FGF13: variants seen among roughly 807,000 people sequenced by gnomAD.
FGF13 encodes the protein fibroblast growth factor homologous factor 2.
Under a neutral mutation model 19.5 loss-of-function variants are expected in FGF13, and 2 were observed. The ratio of observed to expected loss-of-function variants is 0.10; its 90% CI spans 0.04 to 0.32. The LOEUF is 0.32. Among genes scored for constraint, FGF13 ranks in the 10% least tolerant of loss-of-function variants. FGF13 has a pLI of 1.00. For synonymous variants in FGF13, 72 were observed against 76.9 expected (o/e 0.94, Z 0.33); for missense variants, 113 against 192.7 (o/e 0.59, Z 2.45).
chrX:139,107,575 A>G (rs2083569220), intron 1 of FGF13, among the ~76,000 whole-genome samples: 1 of 111,163 alleles, frequency 9.0e-6, no homozygotes, highest in Non-Finnish European at 1.9e-5. Flanking sequence ...GTAACTGAAG[A>G]ATGAGAGAAA....
chrX:138,713,198 G>T (rs894790634), upstream of FGF13, among the ~76,000 whole-genome samples: 5 of 112,420 alleles, frequency 4.4e-5, no homozygotes. Flanking sequence ...CAAGGTAGAC[G>T]AGAGTTTTAA....
intron 2 of FGF13, among the ~76,000 whole-genome samples, chrX:138,863,253 T>C (rs1029995726): frequency 5.4e-5 from 6 of 111,679 alleles, no homozygotes; most frequent in African/African-American, 1.6e-4. Context: ...GGCAGAGACA[T>C]TATATGTCTC....
At position 138,623,387 on chromosome X, in the gene FGF13, T is replaced by C. The variant is rs1005947849; in HGVS notation, c.*9463A>G. On this transcript the variant is annotated 3_prime_UTR_variant, in exon 5 of 5. Transcript: ENST00000315930. ...TTTTGAGAAGGATTGGTATTAGTTTTTCCTCAAATGTTGGGTGGAATTCAC... is the reference window on the plus strand; with the variant it reads ...TTTTGAGAAGGATTGGTATTAGTTTCTCCTCAAATGTTGGGTGGAATTCAC... 1 of 111,523 alleles carries C rather than the reference T, an allele frequency of 9.0e-6. No homozygotes were observed. The highest frequency in any genetic ancestry group is 3.3e-5 in the African/African-American group (1 of 30,644). 9.2% of individuals were successfully genotyped at this position (111,523 alleles called of 1,213,427 possible).
intron 1 of FGF13, among the ~76,000 whole-genome samples, chrX:139,159,773 A>T (rs1211026201): frequency 9.0e-6 from 1 of 111,146 alleles, no homozygotes; most frequent in African/African-American, 3.3e-5. Flanking sequence ...AGGGATCAAC[A>T]CAACAAGAAG....
intron 1 of FGF13, among the ~76,000 whole-genome samples, chrX:139,017,764 G>A (rs1161683042): frequency 9.0e-6 from 1 of 111,316 alleles, no homozygotes; most frequent in Non-Finnish European, 1.9e-5. Context: ...ATAGAGATAA[G>A]TAGGAGCAAC....
chrX:138,679,243 AT>A (rs368872667), intron 3 of FGF13, among the ~76,000 whole-genome samples: 47 of 106,295 alleles, frequency 4.4e-4, no homozygotes, highest in East Asian at 2.1e-3. Context: ...CACCCCGCTA[AT>A]TTTTTTTTTC....
chrX:138,924,047 A>T (rs5976227), intron 1 of FGF13, among the ~76,000 whole-genome samples: 2,420 of 111,965 alleles, frequency 0.022, 64 homozygotes, highest in African/African-American at 0.073. Flanking sequence ...TTGCAAATGG[A>T]AAGTTCCTTT....
At chrX:138,820,388 GTCC>G (rs1169350249) in intron 3 of FGF13, among the ~76,000 whole-genome samples, 2 of 111,937 alleles carry the variant, frequency 1.8e-5, no homozygotes, top group African/African-American at 6.5e-5. Context: ...ATAAGACAGT[GTCC>G]TCATCCTCTA....
At chrX:138,704,403 T>G (rs1474031479) in intron 2 of FGF13, among the ~76,000 whole-genome samples, 1 of 112,476 alleles carries the variant, frequency 8.9e-6, no homozygotes, top group Non-Finnish European at 1.9e-5. Flanking sequence ...GAAAATAGCC[T>G]GTGCACCTTT....
intron 1 of FGF13, among the ~76,000 whole-genome samples, chrX:139,146,293 T>A (rs2083888697): frequency 9.0e-6 from 1 of 111,289 alleles, no homozygotes; most frequent in African/African-American, 3.3e-5. Context: ...AACAACCCCA[T>A]CAAAAAGTGG....
At chrX:138,860,062 T>C (rs774360761) in intron 2 of FGF13, among the ~76,000 whole-genome samples, 2 of 111,313 alleles carry the variant, frequency 1.8e-5, no homozygotes, top group Admixed American at 1.9e-4. Context: ...AAAAGAGTAG[T>C]CAACCAACAG....
chrX:138,670,306 C>T (rs950988490), intron 3 of FGF13, among the ~76,000 whole-genome samples: 2 of 111,411 alleles, frequency 1.8e-5, no homozygotes, highest in Non-Finnish European at 3.8e-5. Context: ...TCCCTTTATA[C>T]GTATAGAACA....
At chrX:138,737,189 C>A (rs1468655290) in intron 1 of FGF13, among the ~76,000 whole-genome samples, 1 of 111,263 alleles carries the variant, frequency 9.0e-6, no homozygotes, top group Non-Finnish European at 1.9e-5. Flanking sequence ...GCCTTGAGAG[C>A]TTTTGAAATG....
intron 1 of FGF13, among the ~76,000 whole-genome samples, chrX:138,965,993 C>A (rs145945651): frequency 0.045 from 5,075 of 112,174 alleles, 276 homozygotes; most frequent in African/African-American, 0.16. Flanking sequence ...CCCCTGTGAT[C>A]GTTAATACTG....
At chrX:139,046,450 G>A (rs748708539) in intron 1 of FGF13, among the ~76,000 whole-genome samples, 6 of 111,466 alleles carry the variant, frequency 5.4e-5, no homozygotes, top group Non-Finnish European at 9.4e-5. Context: ...AAGGCACTGA[G>A]GATTCACACT....
intron 3 of FGF13, among the ~76,000 whole-genome samples, chrX:138,788,523 A>T (rs1411857739): frequency 8.9e-6 from 1 of 112,223 alleles, no homozygotes; most frequent in Non-Finnish European, 1.9e-5. Context: ...AAACTCAGGC[A>T]GTGGCACTAA....
chrX:138,953,367 G>T (rs1048623652), intron 1 of FGF13, among the ~76,000 whole-genome samples: 2 of 109,995 alleles, frequency 1.8e-5, no homozygotes, highest in African/African-American at 6.6e-5. Context: ...CCATAGGTGG[G>T]AATTGAACAA....
At chrX:139,202,651 C>T (rs2084424413) in intron 1 of FGF13, among the ~76,000 whole-genome samples, 3 of 111,497 alleles carry the variant, frequency 2.7e-5, no homozygotes, top group Admixed American at 1.9e-4. Context: ...GAGCTGAAGA[C>T]TTTGACAACT....
At chrX:138,759,293 C>T (rs144151150) in intron 3 of FGF13, among the ~76,000 whole-genome samples, 1,683 of 112,155 alleles carry the variant, frequency 0.015, 19 homozygotes, top group African/African-American at 0.051. Flanking sequence ...AATATTGATG[C>T]CCCGACATCT....
Sources: gnomAD v4.1 joint callset for allele counts (sites outside exome capture counted in the v4.1 genomes callset) on GRCh38, gnomAD v4.1.1 for gene constraint, MANE v1.5 for transcripts, NCBI Gene and HGNC (gene_info 2026-07-23, HGNC 2026-07-21) for gene names.